Variants in SEM1 observed in about 807,000 individuals in gnomAD.
SEM1 encodes the protein SEM1 26S proteasome subunit.
Under a neutral mutation model 12.7 loss-of-function variants are expected in SEM1, and 3 were observed. The ratio of observed to expected loss-of-function variants is 0.24; its 90% CI spans 0.11 to 0.61. The LOEUF is 0.61. Among genes scored for constraint, SEM1 ranks in the 20% least tolerant of loss-of-function variants. SEM1 has a pLI of 0.88. For synonymous variants in SEM1, 30 were observed against 27.8 expected (o/e 1.08, Z -0.25); for missense variants, 59 against 81.3 (o/e 0.73, Z 1.06).
chr7:96,618,244 T>C (rs1157220166), downstream of SEM1, among the ~76,000 whole-genome samples: 2 of 152,240 alleles, frequency 1.3e-5, no homozygotes, highest in African/African-American at 2.4e-5. Flanking sequence ...TATTTCTTCC[T>C]GCTTCAATCT....
chr7:96,636,243 G>A (rs1384175823), intron 2 of SEM1, among the ~76,000 whole-genome samples: 1 of 151,894 alleles, frequency 6.6e-6, no homozygotes, highest in East Asian at 1.9e-4. Flanking sequence ...AGAGCACAAG[G>A]CACCTATGAG....
chr7:96,650,340 T>G, intron 2 of SEM1: 3 of 521,638 alleles, frequency 5.8e-6, no homozygotes, highest in Non-Finnish European at 1.0e-5. Context: ...CTTTGTCTTG[T>G]GAGTTGATGA....
intron 1 of SEM1, among the ~76,000 whole-genome samples, chr7:96,495,711 T>G (rs977474391): frequency 1.3e-5 from 2 of 152,140 alleles, no homozygotes; most frequent in Non-Finnish European, 2.9e-5. Context: ...CAAACAAAAG[T>G]GCTTCTGAAA....
chr7:96,525,038 A>G (rs937951022), intron 2 of SEM1, among the ~76,000 whole-genome samples: 4 of 152,238 alleles, frequency 2.6e-5, no homozygotes, highest in African/African-American at 9.6e-5. Flanking sequence ...CATATTGAAC[A>G]GTGCACTACG....
intron 2 of SEM1, among the ~76,000 whole-genome samples, chr7:96,522,789 G>T (rs1804324479): frequency 6.7e-6 from 1 of 149,916 alleles, no homozygotes; most frequent in African/African-American, 2.5e-5. Context: ...TACTCCAGGG[G>T]CTGAGGTGGG....
downstream of SEM1, among the ~76,000 whole-genome samples, chr7:96,670,452 T>C (rs1307615221): frequency 6.6e-6 from 1 of 152,128 alleles, no homozygotes; most frequent in Non-Finnish European, 1.5e-5. Context: ...TGATAGCATA[T>C]GTGATTAAGT....
intron 2 of SEM1, among the ~76,000 whole-genome samples, chr7:96,603,383 A>C (rs1031675899): frequency 1.3e-5 from 2 of 152,188 alleles, no homozygotes; most frequent in African/African-American, 2.4e-5. Context: ...ATCGTTCTCA[A>C]GATTGACTCA....
chr7:96,483,627 G>C (rs1006400840), exon 4 of SEM1: 3 of 514,990 alleles, frequency 5.8e-6, no homozygotes, highest in African/African-American at 5.8e-5. Flanking sequence ...TGTCAGTTGT[G>C]ATGACAGAGG....
downstream of SEM1, among the ~76,000 whole-genome samples, chr7:96,669,437 A>G (rs1221048698): frequency 6.6e-6 from 1 of 152,236 alleles, no homozygotes; most frequent in African/African-American, 2.4e-5. Flanking sequence ...TGAATTTCAT[A>G]TAATTTTCCT....
At chr7:96,495,054 G>A (rs1803186084) in intron 1 of SEM1, among the ~76,000 whole-genome samples, 1 of 138,526 alleles carries the variant, frequency 7.2e-6, no homozygotes, top group Non-Finnish European at 1.6e-5. Context: ...GAGAGAGAAG[G>A]GGGTGAAGAG....
intron 2 of SEM1, among the ~76,000 whole-genome samples, chr7:96,582,285 C>T (rs1278046169): frequency 1.4e-5 from 2 of 147,370 alleles, no homozygotes; most frequent in African/African-American, 2.5e-5. Context: ...TATTGATTTG[C>T]GTATATTGAA....
downstream of SEM1, chr7:96,688,740 G>C (rs1584864548): frequency 4.0e-6 from 2 of 496,752 alleles, no homozygotes; most frequent in South Asian, 6.5e-5. Context: ...AGAAGCAAAA[G>C]ATTAAGACTT....
intron 2 of SEM1, among the ~76,000 whole-genome samples, chr7:96,521,959 A>C (rs1387632135): frequency 6.6e-6 from 1 of 152,114 alleles, no homozygotes; most frequent in East Asian, 1.9e-4. Flanking sequence ...AATGAGACAA[A>C]ATTATTTACA....
intron 2 of SEM1, among the ~76,000 whole-genome samples, chr7:96,485,322 C>T (rs528024770): frequency 6.6e-6 from 1 of 152,166 alleles, no homozygotes; most frequent in East Asian, 1.9e-4. Context: ...AAGCCTAAAA[C>T]ATGGATGTTA....
At chr7:96,566,679 T>A (rs4530970) in intron 2 of SEM1, among the ~76,000 whole-genome samples, 82,319 of 151,338 alleles carry the variant, frequency 0.54, 24,427 homozygotes, top group Non-Finnish European at 0.68. Context: ...TTATGGCTTC[T>A]AAGCTTTGTG....
chr7:96,575,660 C>T (rs1391676783), intron 2 of SEM1, among the ~76,000 whole-genome samples: 1 of 152,192 alleles, frequency 6.6e-6, no homozygotes, highest in Non-Finnish European at 1.5e-5. Flanking sequence ...TCAGAGTTGC[C>T]CTGCCCAGAG....
At chr7:96,542,628 A>T (rs973703594) in intron 2 of SEM1, among the ~76,000 whole-genome samples, 6 of 151,904 alleles carry the variant, frequency 3.9e-5, no homozygotes, top group African/African-American at 1.4e-4. Context: ...AGTACTAATA[A>T]AAAGCTTTGT....
chr7:96,529,204 C>A (rs187308257), intron 2 of SEM1, among the ~76,000 whole-genome samples: 1 of 152,118 alleles, frequency 6.6e-6, no homozygotes, highest in African/African-American at 2.4e-5. Flanking sequence ...TTCCCTCCTC[C>A]CAATCTTTTT....
chr7:96,606,109 ATTAG>A (rs1807370179), intron 2 of SEM1, among the ~76,000 whole-genome samples: 1 of 152,186 alleles, frequency 6.6e-6, no homozygotes, highest in Non-Finnish European at 1.5e-5. Flanking sequence ...CTATTTTATT[ATTAG>A]TTATTGTTGT....
Sources: gnomAD v4.1 joint callset for allele counts (sites outside exome capture counted in the v4.1 genomes callset) on GRCh38, gnomAD v4.1.1 for gene constraint, MANE v1.5 for transcripts, NCBI Gene and HGNC (gene_info 2026-07-23, HGNC 2026-07-21) for gene names.